ACTR3B: variants seen among roughly 807,000 people sequenced by gnomAD.
ACTR3B encodes the protein actin-related protein 3B.
Under a neutral mutation model 59.0 loss-of-function variants are expected in ACTR3B, and 8 were observed. That is an observed-to-expected ratio of 0.14 (90% CI 0.08 to 0.24). The LOEUF (loss-of-function observed/expected upper bound fraction) is 0.24. ACTR3B is among the 10% of genes least tolerant of loss of function. ACTR3B has a pLI of 1.00. For missense variants in ACTR3B, 245 were observed against 552.3 expected (o/e 0.44, Z 5.58); for synonymous variants, 148 against 197.9 (o/e 0.75, Z 2.12).
intron 4 of ACTR3B, among the ~76,000 whole-genome samples, chr7:152,806,496 A>G (rs1439930327): frequency 6.6e-6 from 1 of 152,260 alleles, no homozygotes; most frequent in Non-Finnish European, 1.5e-5. Context: ...ATAAATTTGC[A>G]GTAGAGTCCA....
chr7:152,783,046 T>G lies in ACTR3B; in HGVS notation c.45-141T>G, dbSNP rs868450800. ...GTTTGATTCTCAGTGATCACAAGTT[T>G]TTTTTTTTTTTTTTTTAATTTCAAG... On this transcript the variant is annotated intron_variant, in intron 1 of 11. Coordinates refer to ENST00000256001, the MANE Select transcript of ACTR3B (RefSeq NM_020445.6). The G allele has an allele frequency of 2.2e-3, 1,030 of 463,780 alleles. 15 individuals are homozygous for G. In the South Asian group the frequency reaches 0.031, roughly 14 times the overall value. 28.7% of individuals were successfully genotyped at this position (463,780 alleles called of 1,614,324 possible).
At chr7:152,774,203 C>A (rs79649504) in intron 1 of ACTR3B, among the ~76,000 whole-genome samples, 2 of 152,178 alleles carry the variant, frequency 1.3e-5, no homozygotes, top group Admixed American at 6.5e-5. Context: ...ATGGCGTGAT[C>A]TCAACTCACT....
chr7:152,774,234 T>C (rs2098131195), intron 1 of ACTR3B, among the ~76,000 whole-genome samples: 1 of 152,212 alleles, frequency 6.6e-6, no homozygotes, highest in African/African-American at 2.4e-5. Flanking sequence ...CCTCCTGGGT[T>C]CAAGCGATTC....
chr7:152,827,430 G>A (rs1407000217), intron 9 of ACTR3B, among the ~76,000 whole-genome samples: 39 of 151,780 alleles, frequency 2.6e-4, no homozygotes, highest in South Asian at 8.3e-4. Context: ...TCTATACCCC[G>A]TTGTGGGAAA....
At chr7:152,840,431 T>G (rs1797788236) in intron 9 of ACTR3B, among the ~76,000 whole-genome samples, 1 of 152,174 alleles carries the variant, frequency 6.6e-6, no homozygotes, top group Non-Finnish European at 1.5e-5. Context: ...CCTGGTGATG[T>G]CTTCACAGAT....
chr7:152,854,587 G>A lies in ACTR3B; in HGVS notation c.*34G>A, dbSNP rs371526661. ...TGAACGCGTCGTTCGATGGTGTCACGTTGGGGAACAAGTGTCCTTCAGAAC... is the reference window on the plus strand; with the variant it reads ...TGAACGCGTCGTTCGATGGTGTCACATTGGGGAACAAGTGTCCTTCAGAAC... On this transcript the variant is annotated 3_prime_UTR_variant, in exon 12 of 12. Coordinates refer to ENST00000256001, the MANE Select transcript of ACTR3B (RefSeq NM_020445.6). This position sits in a 1 kb window ranked among gnomAD's most constrained non-coding sequence, Gnocchi z 4.9. 2.5e-4 allele frequency: 404 copies of A among 1,599,844 alleles called. 1 individual carries two copies. The highest frequency in any genetic ancestry group is 2.1e-3 in the Middle Eastern group (11 of 5,270).
chr7:152,834,494 T>A (rs1204197833), intron 9 of ACTR3B, among the ~76,000 whole-genome samples: 1 of 152,256 alleles, frequency 6.6e-6, no homozygotes, highest in Non-Finnish European at 1.5e-5. Context: ...CCTTTTATTT[T>A]CATGAACTGT....
intron 1 of ACTR3B, among the ~76,000 whole-genome samples, chr7:152,777,779 C>T (rs1305441296): frequency 2.6e-5 from 4 of 152,030 alleles, no homozygotes; most frequent in African/African-American, 4.8e-5. Flanking sequence ...GGTGAAACCC[C>T]GTTTTTACTA....
At chr7:152,851,428 G>A (rs572700592) in intron 9 of ACTR3B, among the ~76,000 whole-genome samples, 28 of 152,332 alleles carry the variant, frequency 1.8e-4, no homozygotes, top group East Asian at 7.7e-4. Flanking sequence ...GACCTGGGCC[G>A]TCAAACCATG....
chr7:152,765,741 A>G (rs1238913402), intron 1 of ACTR3B, among the ~76,000 whole-genome samples: 1 of 152,042 alleles, frequency 6.6e-6, no homozygotes, highest in African/African-American at 2.4e-5. Context: ...GCATACCTGT[A>G]CACTGACTTG....
At chr7:152,836,125 G>T (rs1266888626) in intron 9 of ACTR3B, among the ~76,000 whole-genome samples, 1 of 151,076 alleles carries the variant, frequency 6.6e-6, no homozygotes, top group African/African-American at 2.4e-5. Flanking sequence ...CCGGAGGGCG[G>T]GGGTACAGGT....
At chr7:152,788,466 C>T (rs976652413) in intron 2 of ACTR3B, among the ~76,000 whole-genome samples, 54 of 144,612 alleles carry the variant, frequency 3.7e-4, no homozygotes, top group Admixed American at 1.8e-3. Context: ...GGCTGGAGTG[C>T]AGTGGCACAG....
chr7:152,803,868 A>T (rs1407272890), intron 4 of ACTR3B, among the ~76,000 whole-genome samples: 5 of 152,180 alleles, frequency 3.3e-5, no homozygotes, highest in Non-Finnish European at 5.9e-5. Flanking sequence ...ATTCTGTTGC[A>T]TGTTGTGGTT....
chr7:152,846,771 G>A (rs1798350240), intron 9 of ACTR3B, among the ~76,000 whole-genome samples: 1 of 132,074 alleles, frequency 7.6e-6, no homozygotes, highest in Non-Finnish European at 1.6e-5. Flanking sequence ...TCTAGTGCCC[G>A]GGGCTGTAGT....
Position 152,790,489 on chromosome 7 carries a change from A to G in ACTR3B, c.100+7247A>G, listed in dbSNP as rs111895157. 2.3e-3 allele frequency among the ~76,000 whole-genome samples: 349 copies of G among 152,196 alleles called. 1 individual carries two copies. Among genetic ancestry groups the G allele is most frequent in the African/African-American group, 8.1e-3 (336 of 41,502 alleles). ...TGAGCCACCTTGTCCAGATTGAACA[A>G]TTATTTCATTTTTGGGATAAATCCT... On this transcript the variant is annotated intron_variant, in intron 2 of 11. Coordinates refer to ENST00000256001, the MANE Select transcript of ACTR3B (RefSeq NM_020445.6).
At chr7:152,834,835 A>G (rs535124389) in intron 9 of ACTR3B, among the ~76,000 whole-genome samples, 1 of 152,214 alleles carries the variant, frequency 6.6e-6, no homozygotes, top group African/African-American at 2.4e-5. Flanking sequence ...AGTGAAGCAG[A>G]TACTTTCTGG....
intron 9 of ACTR3B, among the ~76,000 whole-genome samples, chr7:152,835,323 A>G (rs1310371317): frequency 6.6e-6 from 1 of 152,106 alleles, no homozygotes; most frequent in Non-Finnish European, 1.5e-5. Flanking sequence ...TTGATATGTG[A>G]TAGATATTAC....
chr7:152,845,525 C>A (rs150290442), intron 9 of ACTR3B, among the ~76,000 whole-genome samples: 90 of 151,948 alleles, frequency 5.9e-4, no homozygotes, highest in Middle Eastern at 3.4e-3. Context: ...CTTGGAGCTC[C>A]CATGACGTTT....
chr7:152,823,721 A>G (rs1046017326), intron 8 of ACTR3B, among the ~76,000 whole-genome samples: 1 of 152,128 alleles, frequency 6.6e-6, no homozygotes, highest in African/African-American at 2.4e-5. Context: ...ATAGTTAAGG[A>G]TGGGTTATAC....
Sources: allele counts gnomAD v4.1 joint callset (sites outside exome capture counted in the v4.1 genomes callset), GRCh38; gene constraint gnomAD v4.1.1; non-coding constraint Gnocchi (gnomAD v3.1); transcripts MANE v1.5; gene names NCBI Gene and HGNC (gene_info 2026-07-23, HGNC 2026-07-21).